Variants in CLMP observed in about 807,000 individuals in gnomAD.
CLMP encodes CXADR like cell adhesion molecule.
CLMP carries 27 observed loss-of-function variants against 45.2 expected under a neutral mutation model. The observed-to-expected ratio is 0.60, with a 90% CI of 0.44 to 0.82. The LOEUF is 0.82. CLMP is among the 40% of genes least tolerant of loss of function. The pLI is 0.00. For synonymous variants in CLMP, 167 were observed against 171.4 expected (o/e 0.97, Z 0.20); for missense variants, 403 against 448.4 (o/e 0.90, Z 0.91).
chr11:123,086,117 G>T (rs796559701), intron 2 of CLMP, among the ~76,000 whole-genome samples: 32 of 151,208 alleles, frequency 2.1e-4, no homozygotes, highest in African/African-American at 7.5e-4. Flanking sequence ...TCACCATTCT[G>T]GCCAGGCTGG....
chr11:123,081,454 G>A (rs1405734363), intron 5 of CLMP, among the ~76,000 whole-genome samples: 1 of 152,108 alleles, frequency 6.6e-6, no homozygotes. Context: ...TCAAAAGTCT[G>A]AAGTTACTAA....
intron 1 of CLMP, among the ~76,000 whole-genome samples, chr11:123,163,539 G>GACCAGCAGCAGTACCTGGGA (rs1861514974): frequency 6.6e-6 from 1 of 152,192 alleles, no homozygotes; most frequent in Non-Finnish European, 1.5e-5. Context: ...GTGGCCTGGG[G>GACCAGCAGCAGTACCTGGGA]ACCAGCAGCA....
At chr11:123,122,065 G>A (rs954110364) in intron 1 of CLMP, among the ~76,000 whole-genome samples, 1 of 152,114 alleles carries the variant, frequency 6.6e-6, no homozygotes, top group African/African-American at 2.4e-5. Context: ...TGGGTTTTGG[G>A]GAGGAAACAG....
intron 2 of CLMP, among the ~76,000 whole-genome samples, chr11:123,096,518 T>C (rs1239738739): frequency 1.3e-5 from 2 of 152,138 alleles, no homozygotes; most frequent in Non-Finnish European, 1.5e-5. Context: ...AGTGAGACTC[T>C]GTCCCAAAAT....
Position 123,075,272 on chromosome 11 carries a change from C to T in CLMP, c.680-429G>A, listed in dbSNP as rs755355758. ...CCGACCTCCAGGTCTTTATATCTATCTTCCTGAGTAGTACTGCATTACTCT... is the reference window on the plus strand; with the variant it reads ...CCGACCTCCAGGTCTTTATATCTATTTTCCTGAGTAGTACTGCATTACTCT... On this transcript the variant is annotated intron_variant, in intron 5 of 6. Transcript: ENST00000448775. Among the ~76,000 whole-genome samples the T allele has an allele frequency of 5.3e-5, 8 of 151,216 alleles. No homozygotes were observed. In the South Asian group the frequency reaches 1.5e-3, roughly 28 times the overall value.
chr11:123,076,122 G>A (rs763933479), intron 5 of CLMP, among the ~76,000 whole-genome samples: 3 of 151,534 alleles, frequency 2.0e-5, no homozygotes, highest in African/African-American at 4.9e-5. Flanking sequence ...GTAGTGAGCC[G>A]ACATCATGCT....
At chr11:123,129,196 G>C (rs990618738) in intron 1 of CLMP, among the ~76,000 whole-genome samples, 18 of 151,708 alleles carry the variant, frequency 1.2e-4, no homozygotes, top group Non-Finnish European at 4.4e-5. Context: ...TTGGCGTGGT[G>C]GTGGGTGCCT....
intron 1 of CLMP, among the ~76,000 whole-genome samples, chr11:123,113,844 G>A (rs1051907845): frequency 2.0e-5 from 3 of 152,194 alleles, no homozygotes; most frequent in Non-Finnish European, 4.4e-5. Flanking sequence ...GTACCTCTCT[G>A]AATTCTGTCC....
At chr11:123,147,395 A>T (rs540501174) in intron 1 of CLMP, among the ~76,000 whole-genome samples, 7 of 152,122 alleles carry the variant, frequency 4.6e-5, no homozygotes, top group Non-Finnish European at 1.0e-4. Flanking sequence ...GCCCCATAAG[A>T]CTCAGAGGTC....
chr11:123,071,786 G>A lies in CLMP; in HGVS notation c.*1688C>T, dbSNP rs1237806263. 1 of 152,196 alleles carries A rather than the reference G, an allele frequency of 6.6e-6. No homozygotes were observed. The highest frequency in any genetic ancestry group is 1.5e-5 in the Non-Finnish European group (1 of 68,052). The allele number at this position is 152,196 out of a possible 1,614,324, so 9.4% of individuals were successfully genotyped here. On this transcript the variant is annotated 3_prime_UTR_variant, in exon 7 of 7. Coordinates refer to ENST00000448775, the MANE Select transcript of CLMP (RefSeq NM_024769.5). ...AGTTGACATTTGTGCTAGGGTCCTT[G>A]AAGAGCTGATTCAGGTCCAGCATTT...
intron 4 of CLMP, 87 bp downstream of exon 4, chr11:123,083,593 A>T (rs570643351): frequency 4.5e-6 from 6 of 1,339,696 alleles, no homozygotes; most frequent in Middle Eastern, 2.0e-4. Context: ...TTCAGGTCAC[A>T]TAGTGAGTTG....
At chr11:123,180,363 G>A (rs1468917961) in intron 1 of CLMP, among the ~76,000 whole-genome samples, 2 of 152,084 alleles carry the variant, frequency 1.3e-5, no homozygotes, top group African/African-American at 2.4e-5. Context: ...GACTGATTAG[G>A]TCATGAGAGC....
At position 123,154,532 on chromosome 11, in the gene CLMP, G is replaced by A. The variant is rs563659141; in HGVS notation, c.28+40381C>T. ...GAAGTTTTATACTGTTTGGCTAGAA[G>A]GGATTTAAATCTCTTATGTCAGATA... On this transcript the variant is annotated intron_variant, in intron 1 of 6. Transcript: ENST00000448775. Among the ~76,000 whole-genome samples the A allele has an allele frequency of 3.2e-4, 48 of 152,222 alleles. No individual in the cohort carries two copies. In the Middle Eastern group the frequency reaches 0.01, roughly 32 times the overall value.
At position 123,189,833 on chromosome 11, in the gene CLMP, T is replaced by A. The variant is rs111743247; in HGVS notation, c.28+5080A>T. Among the ~76,000 whole-genome samples, 141 of 152,122 alleles carry A rather than the reference T, an allele frequency of 9.3e-4. 1 individual carries two copies. Among genetic ancestry groups the A allele is most frequent in the African/African-American group, 3.3e-3 (137 of 41,502 alleles). On this transcript the variant is annotated intron_variant, in intron 1 of 6. Transcript: ENST00000448775. The stretch of plus-strand genomic sequence containing the variant: ...CTGGCAAACATGGTGAAACCCCATC[T>A]CTATTAAAAATACAAAAAATTAGCT...
intron 1 of CLMP, among the ~76,000 whole-genome samples, chr11:123,120,337 G>C (rs1051657206): frequency 6.6e-6 from 1 of 151,996 alleles, no homozygotes; most frequent in Non-Finnish European, 1.5e-5. Context: ...CCATCTTTCA[G>C]ATGTTGGACC....
intron 1 of CLMP, among the ~76,000 whole-genome samples, chr11:123,150,480 A>AAAGAAAGAAAAAGGAAGG (rs764502298): frequency 1.2e-4 from 5 of 40,960 alleles, no homozygotes; most frequent in South Asian, 9.0e-4. Flanking sequence ...AGAAAGAAAG[A>AAAGAAAGAAAAAGGAAGG]AAGGAAGGAA....
At chr11:123,149,858 C>A (rs1348488206) in intron 1 of CLMP, among the ~76,000 whole-genome samples, 1 of 151,376 alleles carries the variant, frequency 6.6e-6, no homozygotes, top group Admixed American at 6.6e-5. Flanking sequence ...GTCATCCAGG[C>A]TGCAGTTTAG....
rs7112096 is a variant in CLMP at position 123,078,517 on chromosome 11, G to C, written c.680-3674C>G. On this transcript the variant is annotated intron_variant, in intron 5 of 6. Transcript: ENST00000448775. ...GCTGGAGTGCAGTGGCACAATCTCGGCTCACTGCAACTTCTGTCTCCCAGG... is the reference window on the plus strand; with the variant it reads ...GCTGGAGTGCAGTGGCACAATCTCGCCTCACTGCAACTTCTGTCTCCCAGG... Among the ~76,000 whole-genome samples the C allele has an allele frequency of 4.9e-3, 739 of 152,216 alleles. 6 individuals carry two copies. Among genetic ancestry groups the C allele is most frequent in the African/African-American group, 0.017 (718 of 41,540 alleles).
intron 1 of CLMP, among the ~76,000 whole-genome samples, chr11:123,151,160 C>T (rs1353169226): frequency 3.9e-5 from 6 of 152,184 alleles, no homozygotes; most frequent in Non-Finnish European, 5.9e-5. Flanking sequence ...AGAAAGGACC[C>T]CTGGACCACT....
Sources: allele counts gnomAD v4.1 joint callset (sites outside exome capture counted in the v4.1 genomes callset), GRCh38; gene constraint gnomAD v4.1.1; transcripts MANE v1.5; gene names NCBI Gene and HGNC (gene_info 2026-07-23, HGNC 2026-07-21).